The following DENND6B variants were observed in gnomAD, a reference collection of about 807,000 sequenced individuals.
DENND6B encodes protein DENND6B.
Under a neutral mutation model 85.1 loss-of-function variants are expected in DENND6B, and 73 were observed. The observed-to-expected ratio is 0.86, with a 90% CI of 0.71 to 1.04. DENND6B has a LOEUF of 1.04. DENND6B is among the 50% of genes least tolerant of loss of function. DENND6B has a pLI of 0.00. For missense variants in DENND6B, 715 were observed against 785.8 expected, an observed-to-expected ratio of 0.91 and a Z score of 1.08; for synonymous variants, 357 against 329.3, an observed-to-expected ratio of 1.08 and a Z score of -0.91.
At chr22:50,324,471 C>A (rs2042138285) in intron 1 of DENND6B, among the ~76,000 whole-genome samples, 2 of 152,228 alleles carry the variant, frequency 1.3e-5, no homozygotes, top group South Asian at 4.1e-4. Flanking sequence ...GTTGCCCAGG[C>A]TGGAGTGCCA....
intron 16 of DENND6B, 73 bp downstream of exon 16, chr22:50,313,373 G>T: frequency 6.6e-7 from 1 of 1,511,940 alleles, no homozygotes; most frequent in South Asian, 1.3e-5. Flanking sequence ...TCCTGCTCCA[G>T]ACCTTCCCTC....
At chr22:50,317,793 T>A (rs2041903689) in intron 4 of DENND6B, 115 bp downstream of exon 4, 1 of 1,098,480 alleles carries the variant, frequency 9.1e-7, no homozygotes, top group East Asian at 2.6e-5. Flanking sequence ...GGCCAGCTCC[T>A]CTCCTGCCAC....
At chr22:50,314,308 C>G (rs1017842757) in intron 12 of DENND6B, 36 bp from the exon 13 acceptor site, 2 of 1,601,834 alleles carry the variant, frequency 1.2e-6, no homozygotes, top group Non-Finnish European at 1.7e-6. Flanking sequence ...CCTCAGTGCC[C>G]GCAGCTCTGG....
At chr22:50,315,106 A>G in intron 9 of DENND6B, 185 bp from the exon 10 acceptor site, 1 of 869,890 alleles carries the variant, frequency 1.1e-6, no homozygotes, top group Non-Finnish European at 1.7e-6. Flanking sequence ...AGCTGTGACA[A>G]TCCACCTGTG....
In DENND6B at chr22:50,310,121, G is replaced by A. The variant is rs757120581; in HGVS notation, c.*2018C>T. 5.9e-5 allele frequency: 9 copies of A among 152,284 alleles called. No homozygotes were observed. Among genetic ancestry groups the A allele is most frequent in the Non-Finnish European group, 1.2e-4 (8 of 68,054 alleles). 9.4% of individuals were successfully genotyped at this position (152,284 alleles called of 1,614,324 possible). A position where few individuals can be genotyped will look rare whatever the true frequency, so the allele number is the denominator to read the frequency against. On this transcript the variant is annotated 3_prime_UTR_variant, in exon 20 of 20. Coordinates refer to ENST00000413817, the MANE Select transcript of DENND6B (RefSeq NM_001001794.4). ...CATTCAAGCTGCCCACACAAGAGGT[G>A]CCAGCATCTCTGCAGACCCTCTAGA...
At chr22:50,315,130 T>C (rs1220722761) in intron 9 of DENND6B, 3 of 733,840 alleles carry the variant, frequency 4.1e-6, no homozygotes, top group Non-Finnish European at 4.2e-6. Flanking sequence ...GGCCTGGCCC[T>C]GGGAATGGGG....
intron 12 of DENND6B, 54 bp from the exon 13 acceptor site, chr22:50,314,326 C>G: frequency 3.8e-6 from 6 of 1,593,742 alleles, no homozygotes; most frequent in Non-Finnish European, 5.1e-6. Flanking sequence ...TGGCCATCCC[C>G]ACGGGCTCTG....
chr22:50,317,127 A>T (rs1163438959), intron 5 of DENND6B, 166 bp downstream of exon 5: 1 of 434,326 alleles, frequency 2.3e-6, no homozygotes, highest in Non-Finnish European at 3.9e-6. Flanking sequence ...GGCGGCGAGG[A>T]CAGGGTGGGG....
Position 50,326,985 on chromosome 22 carries a change from C to T in DENND6B, c.4G>A (p.Asp2Asn). ...CGAGGCCCTGTGCCCAACAGCGCGT[C>T]CATGGCGGCGGCCGCGGGTTGCCGG... M[D>N]ALLGTGPRRA... Residue 2 changes from aspartate to asparagine, a missense_variant, in exon 1 of 20, where the codon GAC becomes AAC. Transcript: ENST00000413817. The T allele has an allele frequency of 8.4e-7, 1 of 1,197,308 alleles. No homozygotes were observed. Among genetic ancestry groups the T allele is most frequent in the Non-Finnish European group, 1.0e-6 (1 of 967,062 alleles). The allele number at this position is 1,197,308 out of a possible 1,614,324, so 74.2% of individuals were successfully genotyped here. A position where few individuals can be genotyped will look rare whatever the true frequency, so the allele number is the denominator to read the frequency against.
intron 13 of DENND6B, 122 bp downstream of exon 13, chr22:50,314,085 G>C: frequency 7.5e-7 from 1 of 1,338,542 alleles, no homozygotes; most frequent in Non-Finnish European, 9.9e-7. Flanking sequence ...TCTGAGCTCT[G>C]CTGCTGAGTC....
chr22:50,315,021 G>C, intron 9 of DENND6B, 100 bp from the exon 10 acceptor site: 1 of 1,515,206 alleles, frequency 6.6e-7, no homozygotes, highest in Non-Finnish European at 9.0e-7. Context: ...CCAGGCACTG[G>C]TGAACACAGC....
At chr22:50,323,556 G>C (rs2042114509) in intron 1 of DENND6B, among the ~76,000 whole-genome samples, 1 of 151,552 alleles carries the variant, frequency 6.6e-6, no homozygotes, top group African/African-American at 2.4e-5. Context: ...AAAGTGCTAA[G>C]ATTATAGGCA....
At chr22:50,318,081 A>G in intron 3 of DENND6B, 61 bp from the exon 4 acceptor site, 2 of 1,557,710 alleles carry the variant, frequency 1.3e-6, no homozygotes, top group Non-Finnish European at 1.8e-6. Context: ...CAGGCCCTGG[A>G]GCTGGTGACC....
chr22:50,313,070 G>A lies in DENND6B; in HGVS notation c.1386C>T (p.Phe462=), dbSNP rs1027286215. The A allele has an allele frequency of 6.4e-6, 10 of 1,559,980 alleles. No individual in the cohort carries two copies. Among genetic ancestry groups the A allele is most frequent in the Non-Finnish European group, 8.7e-6 (10 of 1,152,788 alleles). The change falls in exon 17 of 20, where the codon TTC becomes TTT. Residue 462 remains phenylalanine, a synonymous_variant. Coordinates refer to ENST00000413817, the MANE Select transcript of DENND6B (RefSeq NM_001001794.4). ...GCCCAGCATGCTCCAGGCTACGCAG[G>A]AAGTCATCCTGGCTGAAGGGCTGGA... is the stretch of plus-strand genomic sequence containing the variant. The part of the protein sequence containing the change: ...PQIQPFSQDD[F]LRSLEHAGPQ...
chr22:50,316,507 G>C (rs2041823425), intron 5 of DENND6B, 32 bp from the exon 6 acceptor site: 14 of 1,553,718 alleles, frequency 9.0e-6, no homozygotes, highest in Non-Finnish European at 1.2e-5. Context: ...TAGAGGCCCA[G>C]TGCCAGGCCT....
intron 5 of DENND6B, chr22:50,317,065 G>A: frequency 3.7e-6 from 1 of 269,750 alleles, no homozygotes; most frequent in African/African-American, 6.7e-5. Context: ...CGAGGACAGG[G>A]TGGGGGGGGG....
Position 50,314,608 on chromosome 22 carries a change from G to A in DENND6B, c.974C>T (p.Ala325Val), listed in dbSNP as rs1198824796. The change falls in exon 11 of 20, where the codon GCC becomes GTC. Residue 325 changes from alanine to valine, a missense_variant. Coordinates refer to ENST00000413817, the MANE Select transcript of DENND6B (RefSeq NM_001001794.4). Reference sequence around the variant, plus strand: ...GCGGGGCAGAGGCGGCACTTACGGGGCCTGCGTGCGTGTGGTGAACTCCTT... The same window carrying A: ...GCGGGGCAGAGGCGGCACTTACGGGACCTGCGTGCGTGTGGTGAACTCCTT... ...EFKEFTTRTQ[A>V]PPNVVLGVTN... The A allele has an allele frequency of 3.2e-6, 5 of 1,561,226 alleles. No homozygotes were observed. The highest frequency in any genetic ancestry group is 4.3e-6 in the Non-Finnish European group (5 of 1,153,116).
chr22:50,317,924 G>A lies in DENND6B; in HGVS notation c.356C>T (p.Ala119Val). The change falls in exon 4 of 20, where the codon GCC becomes GTC. Residue 119 changes from alanine to valine, a missense_variant. Physicochemically the swap from Ala to Val is moderately conservative, Grantham distance 64 (BLOSUM62 0). Coordinates refer to ENST00000413817, the MANE Select transcript of DENND6B (RefSeq NM_001001794.4). ...AGTGCTCACCTGCAGTGCCACAGGG[G>A]CCCTGCTGTTGTAGTGCCTGTCGTC... ...HADDRHYNSRAPVALQREPAH... is the reference protein window; with the variant it reads ...HADDRHYNSRVPVALQREPAH... 1 of 1,608,792 alleles carries A rather than the reference G, an allele frequency of 6.2e-7. No homozygotes were observed. Among genetic ancestry groups the A allele is most frequent in the Non-Finnish European group, 8.5e-7 (1 of 1,179,338 alleles).
chr22:50,318,680 C>T (rs541895113), intron 3 of DENND6B, among the ~76,000 whole-genome samples, 167 bp downstream of exon 3: 5 of 152,272 alleles, frequency 3.3e-5, no homozygotes, highest in South Asian at 4.1e-4. Context: ...CCTGCTGCAA[C>T]GCGGGGCTCT....
Sources: gnomAD v4.1 joint callset for allele counts (sites outside exome capture counted in the v4.1 genomes callset) on GRCh38, gnomAD v4.1.1 for gene constraint, MANE v1.5 for transcripts, NCBI Gene and HGNC (gene_info 2026-07-23, HGNC 2026-07-21) for gene names.